The following LHFPL3 variants were observed in gnomAD, a reference collection of about 807,000 sequenced individuals.
The protein encoded by LHFPL3 is LHFPL tetraspan subfamily member 3 protein.
LHFPL3 carries 5 observed loss-of-function variants against 19.3 expected under a neutral mutation model. The observed-to-expected ratio is 0.26, with a 90% CI of 0.14 to 0.54. LHFPL3 has a LOEUF of 0.54. Among genes scored for constraint, LHFPL3 ranks in the 20% least tolerant of loss-of-function variants. The pLI is 0.94. For missense variants in LHFPL3, 249 were observed against 307.4 expected, an observed-to-expected ratio of 0.81 and a Z score of 1.42; for synonymous variants, 133 against 126.2, an observed-to-expected ratio of 1.05 and a Z score of -0.36.
chr7:104,769,031 A>G (rs947382783), intron 2 of LHFPL3: 2 of 152,264 alleles, frequency 1.3e-5, no homozygotes, highest in African/African-American at 4.8e-5. Flanking sequence ...CATTGGGGAA[A>G]GAAATAGAGA....
intron 1 of LHFPL3, among the ~76,000 whole-genome samples, chr7:104,429,195 A>G (rs1791902598): frequency 1.3e-5 from 2 of 152,012 alleles, no homozygotes; most frequent in African/African-American, 2.4e-5. Flanking sequence ...TGGGCCCACA[A>G]CTGCCCTATT....
intron 1 of LHFPL3, among the ~76,000 whole-genome samples, chr7:104,344,242 A>C (rs1338353716): frequency 1.3e-5 from 2 of 152,216 alleles, no homozygotes; most frequent in East Asian, 3.9e-4. Context: ...ACTTGATGCT[A>C]ATATTTTATT....
intron 1 of LHFPL3, among the ~76,000 whole-genome samples, chr7:104,337,118 G>A (rs1293275341): frequency 6.6e-6 from 1 of 151,988 alleles, no homozygotes; most frequent in Non-Finnish European, 1.5e-5. Context: ...CAAGAGTGAG[G>A]TGCTGCAAAA....
chr7:104,512,677 G>C (rs1294160412), intron 1 of LHFPL3, among the ~76,000 whole-genome samples: 1 of 151,950 alleles, frequency 6.6e-6, no homozygotes, highest in Admixed American at 6.6e-5. Flanking sequence ...TGAAGGATGT[G>C]GTGAGCCAAG....
chr7:104,515,145 T>C (rs1020853019), intron 1 of LHFPL3, among the ~76,000 whole-genome samples: 6 of 152,196 alleles, frequency 3.9e-5, no homozygotes, highest in Non-Finnish European at 7.3e-5. Flanking sequence ...TATGGTTAAA[T>C]TGGGAATTAA....
chr7:104,889,292 G>A (rs576272228), intron 2 of LHFPL3, among the ~76,000 whole-genome samples: 5 of 152,206 alleles, frequency 3.3e-5, no homozygotes, highest in Admixed American at 6.5e-5. Flanking sequence ...ATGAAGTGGG[G>A]TGACTCTTCA....
intron 1 of LHFPL3, among the ~76,000 whole-genome samples, chr7:104,347,412 C>T (rs1562870937): frequency 6.6e-6 from 1 of 152,062 alleles, no homozygotes; most frequent in African/African-American, 2.4e-5. Context: ...GCTGGGTCCT[C>T]TTTTCACCCT....
intron 1 of LHFPL3, among the ~76,000 whole-genome samples, chr7:104,400,728 T>C (rs1231547297): frequency 6.6e-6 from 1 of 152,232 alleles, no homozygotes; most frequent in Non-Finnish European, 1.5e-5. Context: ...CTACTCTTGA[T>C]AGTTTTTGCA....
chr7:104,524,769 A>G (rs1416353599), intron 1 of LHFPL3, among the ~76,000 whole-genome samples: 2 of 152,202 alleles, frequency 1.3e-5, no homozygotes, highest in African/African-American at 4.8e-5. Context: ...TTTGACCCAC[A>G]GTCCCTCAGA....
chr7:104,402,400 C>T (rs1214892251), intron 1 of LHFPL3, among the ~76,000 whole-genome samples: 2 of 152,132 alleles, frequency 1.3e-5, no homozygotes, highest in African/African-American at 4.8e-5. Context: ...ATTGATTTTG[C>T]TTATGCTGAT....
chr7:104,773,316 T>C (rs1794589186), intron 2 of LHFPL3, among the ~76,000 whole-genome samples: 1 of 152,226 alleles, frequency 6.6e-6, no homozygotes, highest in Non-Finnish European at 1.5e-5. Context: ...AAGGACTTCC[T>C]GTGCCTGGTT....
intron 2 of LHFPL3, among the ~76,000 whole-genome samples, chr7:104,761,492 T>C (rs560202965): frequency 6.6e-6 from 1 of 152,206 alleles, no homozygotes; most frequent in South Asian, 2.1e-4. Flanking sequence ...TCTCAAAGCT[T>C]CCCCCTGTCG....
At chr7:104,412,772 AT>A (rs771892437) in intron 1 of LHFPL3, among the ~76,000 whole-genome samples, 1 of 151,958 alleles carries the variant, frequency 6.6e-6, no homozygotes, top group South Asian at 2.1e-4. Context: ...CTATTTTTCT[AT>A]TTTTTTATCT....
chr7:104,505,926 C>T (rs1793690066), intron 1 of LHFPL3, among the ~76,000 whole-genome samples: 1 of 152,116 alleles, frequency 6.6e-6, no homozygotes, highest in South Asian at 2.1e-4. Context: ...CCTCCACAGA[C>T]AGTAAACCTA....
chr7:104,698,893 T>C (rs1194704903), intron 1 of LHFPL3, among the ~76,000 whole-genome samples: 1 of 152,234 alleles, frequency 6.6e-6, no homozygotes, highest in Non-Finnish European at 1.5e-5. Flanking sequence ...CTTTAATAGA[T>C]ATTTCTCCAA....
At position 104,585,228 on chromosome 7, in the gene LHFPL3, G is replaced by A. The variant is rs115645196; in HGVS notation, c.446-151447G>A. 7.1e-3 allele frequency among the ~76,000 whole-genome samples: 1,076 copies of A among 152,090 alleles called. 10 individuals carry two copies. The highest frequency in any genetic ancestry group is 0.024 in the African/African-American group (1,005 of 41,506). ...TATGGTACCTGGCGACTACCACAAG[G>A]ACCATTTTGCCTAGAGGGATGCCAA... On this transcript the variant is annotated intron_variant, in intron 1 of 2. Coordinates refer to ENST00000424859, the MANE Select transcript of LHFPL3 (RefSeq NM_199000.3).
chr7:104,412,000 A>G (rs1284599261), intron 1 of LHFPL3, among the ~76,000 whole-genome samples: 2 of 152,206 alleles, frequency 1.3e-5, no homozygotes, highest in Non-Finnish European at 2.9e-5. Flanking sequence ...TCAAGAGAAC[A>G]GAACAAGGAG....
At chr7:104,567,161 C>T (rs1424366835) in intron 1 of LHFPL3, among the ~76,000 whole-genome samples, 1 of 152,164 alleles carries the variant, frequency 6.6e-6, no homozygotes. Flanking sequence ...GCAGAGTTTC[C>T]AATGTGATTC....
At chr7:104,628,792 A>G (rs1317792010) in intron 1 of LHFPL3, among the ~76,000 whole-genome samples, 1 of 152,168 alleles carries the variant, frequency 6.6e-6, no homozygotes, top group African/African-American at 2.4e-5. Flanking sequence ...CCTTTTTCAA[A>G]GAAATTAAGA....
Sources: allele counts gnomAD v4.1 joint callset (sites outside exome capture counted in the v4.1 genomes callset), GRCh38; gene constraint gnomAD v4.1.1; transcripts MANE v1.5; gene names NCBI Gene and HGNC (gene_info 2026-07-23, HGNC 2026-07-21).